The following GPC6 variants were observed in gnomAD, a reference collection of about 807,000 sequenced individuals.
GPC6 encodes the protein glypican 6, also known as glypican-6.
GPC6 carries 14 observed loss-of-function variants against 55.2 expected under a neutral mutation model. The ratio of observed to expected loss-of-function variants is 0.25; its 90% CI spans 0.17 to 0.40. The LOEUF (loss-of-function observed/expected upper bound fraction) is 0.40, where lower values mean the gene tolerates loss of function less well. Ranked by LOEUF, GPC6 falls within the 10% of genes least tolerant of loss-of-function variation. The pLI is 1.00. For missense variants in GPC6, 641 were observed against 708.5 expected (o/e 0.90, Z 1.08); for synonymous variants, 278 against 259.6 (o/e 1.07, Z -0.68).
intron 1 of GPC6, among the ~76,000 whole-genome samples, chr13:93,283,365 A>G (rs1304085997): frequency 4.6e-5 from 7 of 152,338 alleles, no homozygotes; most frequent in South Asian, 2.1e-4. Flanking sequence ...GTCGCATAGG[A>G]TGGCCTCAAT....
chr13:93,849,562 A>T (rs754450814), intron 3 of GPC6, among the ~76,000 whole-genome samples: 1 of 152,092 alleles, frequency 6.6e-6, no homozygotes, highest in Non-Finnish European at 1.5e-5. Flanking sequence ...GAATCTTTGT[A>T]CTCAGACTTC....
chr13:94,398,374 CAG>C, intron 7 of GPC6, 90 bp from the exon 8 acceptor site: 1 of 973,246 alleles, frequency 1.0e-6, no homozygotes, highest in Non-Finnish European at 1.6e-6. Context: ...GGCTGACTGT[CAG>C]AGACAGTCAT....
intron 1 of GPC6, among the ~76,000 whole-genome samples, chr13:93,260,489 G>A (rs180996284): frequency 2.6e-5 from 4 of 152,064 alleles, no homozygotes; most frequent in East Asian, 1.9e-4. Context: ...GCTAACAGAC[G>A]CTCCTAGGAC....
At chr13:93,825,243 G>A (rs1248673761) in intron 2 of GPC6, among the ~76,000 whole-genome samples, 2 of 152,054 alleles carry the variant, frequency 1.3e-5, no homozygotes, top group Non-Finnish European at 2.9e-5. Flanking sequence ...TGTGCCACTG[G>A]CATCTAAAAG....
intron 1 of GPC6, among the ~76,000 whole-genome samples, chr13:93,476,538 A>G (rs993604525): frequency 5.3e-5 from 8 of 152,176 alleles, no homozygotes; most frequent in Non-Finnish European, 2.9e-5. Flanking sequence ...AAATGTATCC[A>G]TAAGTTTTTG....
At chr13:93,609,417 T>C (rs540020455) in intron 2 of GPC6, among the ~76,000 whole-genome samples, 48 of 152,320 alleles carry the variant, frequency 3.2e-4, no homozygotes, top group African/African-American at 1.1e-3. Context: ...CTTGTATTTT[T>C]AGTAGAGACG....
chr13:93,338,876 AGTG>A (rs1402175246), intron 1 of GPC6, among the ~76,000 whole-genome samples: 2 of 152,170 alleles, frequency 1.3e-5, no homozygotes, highest in African/African-American at 4.8e-5. Context: ...CTGCTCCCTC[AGTG>A]GTTCTGAAAT....
At chr13:93,739,862 T>A (rs756526082) in intron 2 of GPC6, among the ~76,000 whole-genome samples, 1 of 152,118 alleles carries the variant, frequency 6.6e-6, no homozygotes, top group Non-Finnish European at 1.5e-5. Flanking sequence ...GGGAAAGAAG[T>A]CACACAGTAA....
At chr13:93,654,362 C>G (rs557098456) in intron 2 of GPC6, among the ~76,000 whole-genome samples, 205 of 152,178 alleles carry the variant, frequency 1.3e-3, no homozygotes, top group African/African-American at 4.8e-3. Flanking sequence ...GAATCTCACT[C>G]TGTTGCCCAG....
intron 4 of GPC6, among the ~76,000 whole-genome samples, chr13:94,232,410 A>G (rs1407126361): frequency 6.6e-6 from 1 of 152,226 alleles, no homozygotes; most frequent in Non-Finnish European, 1.5e-5. Context: ...TGGCACTGAC[A>G]GAAATAGTAA....
chr13:93,944,524 A>T (rs1423115009), intron 3 of GPC6, among the ~76,000 whole-genome samples: 1 of 152,164 alleles, frequency 6.6e-6, no homozygotes, highest in East Asian at 1.9e-4. Flanking sequence ...TATCACCTCG[A>T]TAATTTGAAG....
chr13:94,190,754 G>A (rs992138821), intron 4 of GPC6, among the ~76,000 whole-genome samples: 1 of 152,102 alleles, frequency 6.6e-6, no homozygotes, highest in Non-Finnish European at 1.5e-5. Flanking sequence ...GGAGTAAAAG[G>A]CCACGATGTG....
chr13:93,275,603 C>A (rs1877706288), intron 1 of GPC6, among the ~76,000 whole-genome samples: 1 of 152,034 alleles, frequency 6.6e-6, no homozygotes. Flanking sequence ...TCATCTGAGG[C>A]CTCCCTCCTT....
chr13:94,390,880 TG>T (rs5805860), intron 7 of GPC6, among the ~76,000 whole-genome samples: 87,469 of 150,138 alleles, frequency 0.58, 25,850 homozygotes, highest in African/African-American at 0.67. Flanking sequence ...CTCTTGCAAA[TG>T]GGAAAAAAAA....
chr13:93,613,670 C>G (rs1012629543), intron 2 of GPC6, among the ~76,000 whole-genome samples: 9 of 152,118 alleles, frequency 5.9e-5, no homozygotes, highest in African/African-American at 1.7e-4. Flanking sequence ...TGTCATTGCT[C>G]TCCATTGAGT....
intron 4 of GPC6, among the ~76,000 whole-genome samples, chr13:94,283,700 T>C (rs1452493670): frequency 6.6e-6 from 1 of 152,244 alleles, no homozygotes; most frequent in Non-Finnish European, 1.5e-5. Flanking sequence ...GGCAACAGTC[T>C]TCTTTAAGGA....
intron 1 of GPC6, among the ~76,000 whole-genome samples, chr13:93,286,866 C>T (rs1878145331): frequency 6.6e-6 from 1 of 152,042 alleles, no homozygotes; most frequent in Admixed American, 6.6e-5. Flanking sequence ...TGAACATTGG[C>T]ATTCCCAAAT....
At chr13:93,777,207 T>C (rs1241846923) in intron 2 of GPC6, among the ~76,000 whole-genome samples, 1 of 152,206 alleles carries the variant, frequency 6.6e-6, no homozygotes, top group Non-Finnish European at 1.5e-5. Flanking sequence ...AAACAGGCGA[T>C]CAAGCAAGTT....
intron 6 of GPC6, among the ~76,000 whole-genome samples, chr13:94,360,572 G>A (rs1879014150): frequency 6.6e-6 from 1 of 151,464 alleles, no homozygotes; most frequent in African/African-American, 2.4e-5. Flanking sequence ...AAACCATAGT[G>A]GCGTTAAAAA....
Sources: gnomAD v4.1 joint callset for allele counts (sites outside exome capture counted in the v4.1 genomes callset) on GRCh38, gnomAD v4.1.1 for gene constraint, MANE v1.5 for transcripts, NCBI Gene and HGNC (gene_info 2026-07-23, HGNC 2026-07-21) for gene names.